The following CEP85L variants were observed in gnomAD, a reference collection of about 807,000 sequenced individuals.
The protein encoded by CEP85L is centrosomal protein of 85 kDa-like.
Under a neutral mutation model 100.3 loss-of-function variants are expected in CEP85L, and 60 were observed. The ratio of observed to expected loss-of-function variants is 0.60; its 90% confidence interval spans 0.49 to 0.74. CEP85L has a LOEUF of 0.74. CEP85L is among the 30% of genes least tolerant of loss of function. The pLI is 0.00. For synonymous variants in CEP85L, 319 were observed against 322.7 expected, an observed-to-expected ratio of 0.99 and a Z score of 0.12; for missense variants, 973 against 936.2, an observed-to-expected ratio of 1.04 and a Z score of -0.51.
At position 118,565,923 on chromosome 6, in the gene CEP85L, T is replaced by C. The variant is rs1779473000; in HGVS notation, c.626A>G (p.Glu209Gly). Reference sequence around the variant, plus strand: ...TTCCTTGTCCTCTAACCTAAGCATCTCCATACTATCATGTAAACAGCTAGG... The same window carrying C: ...TTCCTTGTCCTCTAACCTAAGCATCCCCATACTATCATGTAAACAGCTAGG... ...IGPSCLHDSMEMLRLEDKEIN... is the reference protein window; with the variant it reads ...IGPSCLHDSMGMLRLEDKEIN... Residue 209 changes from glutamate (E) to glycine (G), a missense_variant, in exon 3 of 13, where the codon GAG (glutamate) becomes GGG (glycine). Around this residue, in one of 3 missense-constraint regions of CEP85L, gnomAD observed 890 missense variants for 844.5 expected, o/e 1.05. Transcript: ENST00000368491. The C allele has an allele frequency of 6.2e-7, 1 of 1,614,194 alleles. No individual in the cohort carries two copies.
intron 3 of CEP85L, among the ~76,000 whole-genome samples, chr6:118,534,746 G>A (rs1777489348): frequency 6.6e-6 from 1 of 152,178 alleles, no homozygotes; most frequent in East Asian, 1.9e-4. Context: ...AAGGCCAGGT[G>A]CAGTCAGTCA....
chr6:118,539,375 T>C (rs926901727), intron 3 of CEP85L, among the ~76,000 whole-genome samples: 1 of 152,204 alleles, frequency 6.6e-6, no homozygotes, highest in African/African-American at 2.4e-5. Context: ...AAATACCATA[T>C]AGCCTAGGCG....
chr6:118,699,168 A>G (rs1011001346), intron 1 of CEP85L, among the ~76,000 whole-genome samples: 4 of 152,154 alleles, frequency 2.6e-5, no homozygotes, highest in Non-Finnish European at 4.4e-5. Flanking sequence ...GAAGGGCACC[A>G]TGGGCCAGGT....
intron 2 of CEP85L, among the ~76,000 whole-genome samples, chr6:118,627,593 TGAA>T (rs1256540217): frequency 6.6e-6 from 1 of 152,202 alleles, no homozygotes; most frequent in Non-Finnish European, 1.5e-5. Flanking sequence ...AGGCTGAGTA[TGAA>T]GAAGTCTGAG....
At chr6:118,669,025 A>C (rs183303319) in intron 1 of CEP85L, among the ~76,000 whole-genome samples, 1 of 152,358 alleles carries the variant, frequency 6.6e-6, no homozygotes, top group Admixed American at 6.5e-5. Flanking sequence ...ATGTTAAAGA[A>C]ACTTTCTGAC....
At chr6:118,499,470 C>T (rs1016617377) in intron 5 of CEP85L, among the ~76,000 whole-genome samples, 1 of 151,948 alleles carries the variant, frequency 6.6e-6, no homozygotes, top group African/African-American at 2.4e-5. Flanking sequence ...TTGAGACCAG[C>T]CTGGCCAATA....
At chr6:118,486,948 A>T (rs540050698) in intron 6 of CEP85L, among the ~76,000 whole-genome samples, 2 of 152,106 alleles carry the variant, frequency 1.3e-5, no homozygotes, top group Non-Finnish European at 2.9e-5. Flanking sequence ...GCCAGGCACC[A>T]TGAATGGTGC....
At chr6:118,527,513 T>C (rs542350853) in intron 3 of CEP85L, among the ~76,000 whole-genome samples, 10 of 152,230 alleles carry the variant, frequency 6.6e-5, no homozygotes, top group African/African-American at 2.4e-4. Flanking sequence ...TGAGAAAAAA[T>C]TTAACACTAT....
At chr6:118,616,931 C>T (rs1773093658) in intron 2 of CEP85L, among the ~76,000 whole-genome samples, 1 of 143,820 alleles carries the variant, frequency 7.0e-6, no homozygotes, top group African/African-American at 2.6e-5. Context: ...GGCAAGAGAG[C>T]GAGACTCTGT....
intron 3 of CEP85L, among the ~76,000 whole-genome samples, chr6:118,549,479 T>C (rs979521946): frequency 6.6e-6 from 1 of 151,850 alleles, no homozygotes; most frequent in African/African-American, 2.4e-5. Context: ...ATATTTCATA[T>C]ATATGTTAAA....
intron 2 of CEP85L, among the ~76,000 whole-genome samples, chr6:118,585,346 C>T (rs2115094553): frequency 6.6e-6 from 1 of 152,304 alleles, no homozygotes; most frequent in South Asian, 2.1e-4. Context: ...AGGTTATTAT[C>T]CTCAGTTTTT....
chr6:118,650,849 C>A (rs1020839916), intron 1 of CEP85L, among the ~76,000 whole-genome samples: 4 of 152,186 alleles, frequency 2.6e-5, no homozygotes, highest in Non-Finnish European at 5.9e-5. Context: ...AACGGGCAAG[C>A]CCCGTTATCA....
chr6:118,691,853 C>CA (rs1777056186), intron 1 of CEP85L, among the ~76,000 whole-genome samples: 1 of 151,998 alleles, frequency 6.6e-6, no homozygotes, highest in South Asian at 2.1e-4. Context: ...TTTTTCTTTG[C>CA]AAAATTACAT....
intron 3 of CEP85L, among the ~76,000 whole-genome samples, chr6:118,531,768 T>G (rs1777306391): frequency 6.6e-6 from 1 of 151,784 alleles, no homozygotes; most frequent in African/African-American, 2.4e-5. Flanking sequence ...ACATTCAATA[T>G]CACTAATCAT....
intron 6 of CEP85L, 86 bp from the exon 7 acceptor site, chr6:118,483,944 G>A: frequency 8.3e-7 from 1 of 1,201,528 alleles, no homozygotes; most frequent in Non-Finnish European, 1.2e-6. Flanking sequence ...AGACACCATT[G>A]AATTCACCAA....
At chr6:118,549,430 A>G (rs1778405967) in intron 3 of CEP85L, among the ~76,000 whole-genome samples, 1 of 151,866 alleles carries the variant, frequency 6.6e-6, no homozygotes, top group African/African-American at 2.4e-5. Context: ...CTGTCAGGGC[A>G]TACAGAAAAT....
At chr6:118,575,526 T>C (rs2115047385) in intron 2 of CEP85L, among the ~76,000 whole-genome samples, 1 of 152,278 alleles carries the variant, frequency 6.6e-6, no homozygotes, top group African/African-American at 2.4e-5. Flanking sequence ...AGAAACTACT[T>C]ACCCTTTAGA....
chr6:118,462,090 A>G lies in CEP85L; in HGVS notation c.*3315T>C, dbSNP rs1265191592. 2.0e-5 allele frequency: 3 copies of G among 152,038 alleles called. No homozygotes were observed. Among genetic ancestry groups the G allele is most frequent in the Non-Finnish European group, 4.4e-5 (3 of 67,892 alleles). 9.4% of individuals were successfully genotyped at this position (152,038 alleles called of 1,614,324 possible). A position where few individuals can be genotyped will look rare whatever the true frequency, so the allele number is the denominator to read the frequency against. ...CTTTATAAGCTCCTTAGTATATCAG[A>G]AATGTATGACATTCATTTTAGCAAC... On this transcript the variant is annotated 3_prime_UTR_variant, in exon 13 of 13. Coordinates refer to ENST00000368491, the MANE Select transcript of CEP85L (RefSeq NM_001042475.3).
At chr6:118,498,602 A>G (rs1394981159) in intron 5 of CEP85L, among the ~76,000 whole-genome samples, 1 of 151,574 alleles carries the variant, frequency 6.6e-6, no homozygotes, top group East Asian at 1.9e-4. Flanking sequence ...TGTTAAAAAA[A>G]AAAAAAAAAA....
Sources: gnomAD v4.1 joint callset for allele counts (sites outside exome capture counted in the v4.1 genomes callset) on GRCh38, gnomAD v4.1.1 for gene constraint, gnomAD v4.1.1 regional missense constraint, MANE v1.5 for transcripts, NCBI Gene and HGNC (gene_info 2026-07-23, HGNC 2026-07-21) for gene names.